TCTN3: variants seen among roughly 807,000 people sequenced by gnomAD.
The protein encoded by TCTN3 is tectonic-3.
A neutral mutation model predicts 71.3 loss-of-function variants in TCTN3; 57 were observed. The observed-to-expected ratio is 0.80, with a 90% CI of 0.65 to 1.00. The LOEUF (loss-of-function observed/expected upper bound fraction) is 1.00, where lower values mean the gene tolerates loss of function less well. TCTN3 is among the 50% of genes least tolerant of loss of function. The probability of loss-of-function intolerance (pLI) is 0.00; values close to 1 mark genes in which losing one functional copy is unlikely to be tolerated. For synonymous variants in TCTN3, 258 were observed against 267.8 expected (o/e 0.96, Z 0.36); for missense variants, 696 against 719.9 (o/e 0.97, Z 0.38).
At position 95,664,305 on chromosome 10, in the gene TCTN3, G is replaced by A. The variant is rs181107730; in HGVS notation, c.1591-5C>T. 290 of 1,613,228 alleles carry A rather than the reference G, an allele frequency of 1.8e-4. 1 individual carries two copies. The African/African-American group carries it at 3.2e-3, about 18-fold the overall frequency. On this transcript the variant is annotated splice_polypyrimidine_tract_variant and splice_region_variant and intron_variant, in intron 13 of 13. Transcript: ENST00000371217. ...TTCTGTAACTTGCTGAGAATCCTAC[G>A]GGAAGAAAGTCAATGACAGGTCAGC...
At position 95,683,613 on chromosome 10, in the gene TCTN3, G is replaced by A. The variant is rs1472441957; in HGVS notation, c.1112C>T (p.Thr371Ile). The part of the protein sequence containing the change: ...ILRFRAFQQS[T>I]AASLTSPRSG... ...TCTAGGACTGGTGAGAGAAGCAGCT[G>A]TGCTCTGTTGAAAAGCCTGCAGAAA... Residue 371 changes from threonine to isoleucine, a missense_variant, in exon 10 of 14, where the codon ACA becomes ATA. Transcript: ENST00000371217. 6.2e-7 allele frequency: 1 copy of A among 1,611,452 alleles called. No homozygotes were observed. Among genetic ancestry groups the A allele is most frequent in the African/African-American group, 1.3e-5 (1 of 74,804 alleles).
intron 3 of TCTN3, among the ~76,000 whole-genome samples, chr10:95,691,570 G>T (rs925510956): frequency 6.6e-6 from 1 of 152,178 alleles, no homozygotes; most frequent in African/African-American, 2.4e-5. Context: ...CCAAAAACTG[G>T]TTGTTTTCTG....
intron 1 of TCTN3, 83 bp downstream of exon 1, chr10:95,693,561 T>G: frequency 6.5e-7 from 1 of 1,548,004 alleles, no homozygotes; most frequent in Non-Finnish European, 8.7e-7. Flanking sequence ...ACAGCCCCAC[T>G]CCTGCTTTGT....
intron 3 of TCTN3, among the ~76,000 whole-genome samples, chr10:95,690,047 T>G (rs1345929172): frequency 6.6e-6 from 1 of 152,176 alleles, no homozygotes; most frequent in Non-Finnish European, 1.5e-5. Context: ...GGCTGCAGTA[T>G]AGTAGCATGA....
chr10:95,675,033 AAT>A (rs1307015136), intron 13 of TCTN3, among the ~76,000 whole-genome samples: 2 of 152,232 alleles, frequency 1.3e-5, no homozygotes, highest in African/African-American at 4.8e-5. Context: ...ATTGAGAATG[AAT>A]ATGTTACAGG....
At chr10:95,690,268 C>A (rs142255082) in intron 3 of TCTN3, among the ~76,000 whole-genome samples, 5 of 152,288 alleles carry the variant, frequency 3.3e-5, no homozygotes, top group African/African-American at 1.2e-4. Flanking sequence ...CAGGTATGAG[C>A]CACCATGCCT....
At chr10:95,666,065 C>T (rs1351012170) in intron 13 of TCTN3, among the ~76,000 whole-genome samples, 2 of 151,906 alleles carry the variant, frequency 1.3e-5, no homozygotes, top group Admixed American at 6.6e-5. Context: ...CTCAGCCTCC[C>T]GAGTAGCTGG....
chr10:95,686,640 A>C lies in TCTN3; in HGVS notation c.853-110T>G, dbSNP rs2097948568. On this transcript the variant is annotated intron_variant, in intron 6 of 13. Transcript: ENST00000371217. ...CTTTGGTTTGGCGGGCAGGGGAGTC[A>C]ATATATTAGAATGATTTACTTCCTC... is the stretch of plus-strand genomic sequence containing the variant. The C allele has an allele frequency of 4.1e-6, 4 of 980,548 alleles. No individual in the cohort carries two copies. In the Admixed American group the frequency reaches 9.0e-5, roughly 22 times the overall value. The allele number at this position is 980,548 out of a possible 1,614,324, so 60.7% of individuals were successfully genotyped here.
At chr10:95,680,792 T>TG (rs2139732366) in intron 12 of TCTN3, among the ~76,000 whole-genome samples, 183 bp from the exon 13 acceptor site, 1 of 151,912 alleles carries the variant, frequency 6.6e-6, no homozygotes, top group South Asian at 2.1e-4. Context: ...TTTTTTTTTT[T>TG]TTTTGAGACG....
rs772879936 is a variant in TCTN3 at position 95,692,880 on chromosome 10, T to A, written c.499+40A>T. 13 of 1,430,574 alleles carry A rather than the reference T, an allele frequency of 9.1e-6. No homozygotes were observed. The Admixed American group carries it at 2.2e-4, about 24-fold the overall frequency. 88.6% of individuals were successfully genotyped at this position (1,430,574 alleles called of 1,614,324 possible). A position where few individuals can be genotyped will look rare whatever the true frequency, so the allele number is the denominator to read the frequency against. On this transcript the variant is annotated intron_variant, in intron 3 of 13. Transcript: ENST00000371217. ...CAGGGAAGACAAAATATAACACTCC[T>A]GTGTTAGAAAATGAGAACAACCAAC...
At chr10:95,688,465 A>T (rs1454943132) in intron 3 of TCTN3, among the ~76,000 whole-genome samples, 1 of 151,606 alleles carries the variant, frequency 6.6e-6, no homozygotes, top group Non-Finnish European at 1.5e-5. Flanking sequence ...TGTCTGCCCC[A>T]TACCAGATGA....
At chr10:95,692,000 T>C (rs1029616504) in intron 3 of TCTN3, among the ~76,000 whole-genome samples, 2 of 152,204 alleles carry the variant, frequency 1.3e-5, no homozygotes, top group African/African-American at 4.8e-5. Context: ...GAAAATAAGG[T>C]TGGCATAGAC....
intron 13 of TCTN3, among the ~76,000 whole-genome samples, chr10:95,671,156 T>C (rs7894052): frequency 0.84 from 127,967 of 152,168 alleles, 54,366 homozygotes; most frequent in Non-Finnish European, 0.91. Context: ...AAAATAACTC[T>C]CTCAAAATCT....
intron 8 of TCTN3, among the ~76,000 whole-genome samples, chr10:95,685,209 A>G (rs1229636486): frequency 6.6e-6 from 1 of 152,248 alleles, no homozygotes; most frequent in Non-Finnish European, 1.5e-5. Flanking sequence ...AACAGACTGC[A>G]AGTGGGCAAC....
intron 13 of TCTN3, among the ~76,000 whole-genome samples, chr10:95,680,268 A>G (rs1259402558): frequency 6.7e-6 from 1 of 149,488 alleles, no homozygotes; most frequent in Non-Finnish European, 1.5e-5. Flanking sequence ...AAAAGGATAT[A>G]AGCGGTATTC....
Position 95,687,684 on chromosome 10 carries a change from T to C in TCTN3, c.535A>G (p.Asn179Asp), listed in dbSNP as rs370695052. The C allele has an allele frequency of 6.2e-7, 1 of 1,614,130 alleles. No individual in the cohort carries two copies. The highest frequency in any genetic ancestry group is 1.1e-5 in the South Asian group (1 of 91,074). The change falls in exon 4 of 14, where the codon AAT becomes GAT. Residue 179 changes from asparagine (N) to aspartate (D), a missense_variant. By Grantham distance (23) the Asn-to-Asp change is conservative. Transcript: ENST00000371217. ...LNYFQKLQKV[N>D]ATNFQALAAE... is the part of the protein sequence containing the mutation. ...GCCAGGGCCTGGAAGTTGGTTGCAT[T>C]GACCTTTTGAAGCTTCTGGAAATAG...
chr10:95,664,773 T>C (rs1194505879), intron 13 of TCTN3, among the ~76,000 whole-genome samples: 1 of 152,194 alleles, frequency 6.6e-6, no homozygotes, highest in East Asian at 1.9e-4. Flanking sequence ...TCATGCCAAA[T>C]AAAACAGATG....
At chr10:95,687,459 G>T in intron 4 of TCTN3, 104 bp from the exon 5 acceptor site, 1 of 1,507,500 alleles carries the variant, frequency 6.6e-7, no homozygotes, top group South Asian at 1.2e-5. Flanking sequence ...TGATTACGTG[G>T]ACAGTACTGC....
In TCTN3 at chr10:95,685,777, A is replaced by G. The variant is rs575447070; in HGVS notation, c.889-141T>C. On this transcript the variant is annotated intron_variant, in intron 7 of 13. Transcript: ENST00000371217. ...TCTCTTCTTCCAGTGCCAGCCAACA[A>G]CTTAAATTCAAGTCTTTCTAAACGA... The G allele has an allele frequency of 7.1e-5, 45 of 633,364 alleles. 1 individual carries two copies. Among genetic ancestry groups the G allele is most frequent in the Middle Eastern group, 8.7e-4 (2 of 2,310 alleles). 39.2% of individuals were successfully genotyped at this position (633,364 alleles called of 1,614,324 possible). A position where few individuals can be genotyped will look rare whatever the true frequency, so the allele number is the denominator to read the frequency against.
Sources: allele counts gnomAD v4.1 joint callset (sites outside exome capture counted in the v4.1 genomes callset), GRCh38; gene constraint gnomAD v4.1.1; transcripts MANE v1.5; gene names NCBI Gene and HGNC (gene_info 2026-07-23, HGNC 2026-07-21).